GTF2F2: variants seen among roughly 807,000 people sequenced by gnomAD.
GTF2F2 encodes the protein general transcription factor IIF subunit 2, also known as ATP-dependent helicase GTF2F2.
In GTF2F2, 23 loss-of-function variants were observed where a neutral mutation model predicts 42.2. That is an observed-to-expected ratio of 0.55 (90% CI 0.39 to 0.77). The LOEUF (loss-of-function observed/expected upper bound fraction) is 0.77. GTF2F2 is among the 30% of genes least tolerant of loss of function. GTF2F2 has a pLI of 0.00. For synonymous variants in GTF2F2, 105 were observed against 100.8 expected (o/e 1.04, Z -0.25); for missense variants, 261 against 287.2 (o/e 0.91, Z 0.66).
At chr13:45,196,777 G>A (rs1005700708) in intron 4 of GTF2F2, among the ~76,000 whole-genome samples, 6 of 152,158 alleles carry the variant, frequency 3.9e-5, no homozygotes, top group African/African-American at 1.4e-4. Flanking sequence ...ATGTCTTCAT[G>A]GGAAGCCCCA....
chr13:45,284,615 C>T lies in GTF2F2; in HGVS notation c.*1054C>T, dbSNP rs1010812659. On this transcript the variant is annotated 3_prime_UTR_variant, in exon 8 of 8. Coordinates refer to ENST00000340473, the MANE Select transcript of GTF2F2 (RefSeq NM_004128.3). ...TTTTTTCACTCGTTCATTTTGTCAT[C>T]TGCTTCTAGATGCTGCAATCAAGAA... 1.2e-4 allele frequency: 18 copies of T among 152,214 alleles called. No individual in the cohort carries two copies. The highest frequency in any genetic ancestry group is 2.1e-4 in the South Asian group (1 of 4,824). 9.4% of individuals were successfully genotyped at this position (152,214 alleles called of 1,614,324 possible).
intron 4 of GTF2F2, among the ~76,000 whole-genome samples, chr13:45,154,339 T>C (rs1334389965): frequency 1.3e-5 from 2 of 152,248 alleles, no homozygotes; most frequent in Non-Finnish European, 2.9e-5. Context: ...CCATTTTACA[T>C]TTTAAAAATA....
At chr13:45,180,798 A>G (rs1013689266) in intron 4 of GTF2F2, among the ~76,000 whole-genome samples, 12 of 152,166 alleles carry the variant, frequency 7.9e-5, no homozygotes, top group African/African-American at 2.9e-4. Flanking sequence ...ATTTTTCTTT[A>G]AAAGAAGTAT....
chr13:45,246,301 G>A (rs1047378858), intron 5 of GTF2F2, among the ~76,000 whole-genome samples: 1 of 151,992 alleles, frequency 6.6e-6, no homozygotes, highest in Non-Finnish European at 1.5e-5. Flanking sequence ...GTGAGCCACC[G>A]CGCCCGGCCT....
chr13:45,218,761 G>A (rs1240415638), intron 5 of GTF2F2, among the ~76,000 whole-genome samples: 2 of 151,958 alleles, frequency 1.3e-5, no homozygotes, highest in Non-Finnish European at 2.9e-5. Context: ...GAATGGTCTG[G>A]GATTGTTAAA....
rs1407098341 is a variant in GTF2F2 at position 45,144,586 on chromosome 13, C to T, written c.141-5184C>T. On this transcript the variant is annotated intron_variant, in intron 2 of 7. Transcript: ENST00000340473. ...CCTCCCGAGTAGCTGGGACTACAGGCGCCCGCCACCACGACTGGCTAATTT... is the reference window on the plus strand; with the variant it reads ...CCTCCCGAGTAGCTGGGACTACAGGTGCCCGCCACCACGACTGGCTAATTT... 3.3e-5 allele frequency among the ~76,000 whole-genome samples: 5 copies of T among 150,948 alleles called. No homozygotes were observed. In the East Asian group the frequency reaches 5.9e-4, roughly 18 times the overall value.
intron 5 of GTF2F2, among the ~76,000 whole-genome samples, chr13:45,217,226 A>T (rs1873931263): frequency 6.9e-6 from 1 of 145,772 alleles, no homozygotes; most frequent in South Asian, 2.3e-4. Context: ...TGAACCTGGG[A>T]GGTGGAGGTT....
chr13:45,248,596 C>A (rs1334823923), intron 5 of GTF2F2, among the ~76,000 whole-genome samples: 1 of 152,126 alleles, frequency 6.6e-6, no homozygotes, highest in Non-Finnish European at 1.5e-5. Flanking sequence ...GCCTCAGCCT[C>A]CTGAGTAGCT....
At position 45,247,020 on chromosome 13, in the gene GTF2F2, C is replaced by CA. The variant is rs1875659867; in HGVS notation, c.387-5850dup. On this transcript the variant is annotated intron_variant, in intron 5 of 7. Coordinates refer to ENST00000340473, the MANE Select transcript of GTF2F2 (RefSeq NM_004128.3). ...CGCCACTGCACTCCAGCCTGGGCGA[C>CA]AGATCAAGACTCTGTCTCAAAAAAA... 2.2e-5 allele frequency among the ~76,000 whole-genome samples: 3 copies of CA among 136,748 alleles called. No homozygotes were observed. In the East Asian group the frequency reaches 6.4e-4, roughly 29 times the overall value. 89.7% of individuals were successfully genotyped at this position (136,748 alleles called of 152,430 possible). A position where few individuals can be genotyped will look rare whatever the true frequency, so the allele number is the denominator to read the frequency against.
chr13:45,194,454 GT>G, intron 4 of GTF2F2: 2 of 1,614,112 alleles, frequency 1.2e-6, no homozygotes, highest in Non-Finnish European at 1.7e-6. Flanking sequence ...ATCCACCAAC[GT>G]TGAGGGTCAT....
intron 6 of GTF2F2, among the ~76,000 whole-genome samples, chr13:45,264,270 TTATTTTTA>T (rs1876471655): frequency 1.3e-5 from 2 of 151,618 alleles, no homozygotes; most frequent in Non-Finnish European, 2.9e-5. Context: ...TTTTTATTTT[TTATTTTTA>T]TTTTTTTATT....
At chr13:45,163,429 T>G (rs1344003748) in intron 4 of GTF2F2, among the ~76,000 whole-genome samples, 3 of 151,974 alleles carry the variant, frequency 2.0e-5, no homozygotes, top group African/African-American at 7.2e-5. Context: ...CCAGCTGTTC[T>G]GGAGGCTGAG....
At chr13:45,127,970 CT>C (rs1566107690) in intron 1 of GTF2F2, among the ~76,000 whole-genome samples, 2 of 33,474 alleles carry the variant, frequency 6.0e-5, no homozygotes, top group East Asian at 9.6e-4. Flanking sequence ...TTTTTTTTTT[CT>C]TTTTTTTTGA....
intron 4 of GTF2F2, chr13:45,194,120 C>T (rs2138173073): frequency 2.5e-6 from 4 of 1,613,994 alleles, no homozygotes; most frequent in Non-Finnish European, 3.4e-6. Context: ...TGTGAACGAT[C>T]GTGGTTATCT....
intron 5 of GTF2F2, among the ~76,000 whole-genome samples, chr13:45,228,636 C>T (rs147245959): frequency 0.022 from 3,240 of 147,144 alleles, 57 homozygotes; most frequent in Non-Finnish European, 0.033. Flanking sequence ...CTGCTTATCT[C>T]GCCTCATTCT....
intron 4 of GTF2F2, among the ~76,000 whole-genome samples, chr13:45,161,199 TTTGTGG>T (rs1871018876): frequency 6.6e-6 from 1 of 152,220 alleles, no homozygotes; most frequent in African/African-American, 2.4e-5. Context: ...TTGGCCTCAA[TTTGTGG>T]TGGTACCAGT....
chr13:45,240,075 T>C (rs1468557736), intron 5 of GTF2F2, among the ~76,000 whole-genome samples: 1 of 150,746 alleles, frequency 6.6e-6, no homozygotes, highest in African/African-American at 2.5e-5. Context: ...ACCAAAAATG[T>C]TCCAATTTCT....
rs374858973 is a variant in GTF2F2, at chr13:45,173,369, C to CTGTG, written c.304+21562_304+21565dup. On this transcript the variant is annotated intron_variant, in intron 4 of 7. Transcript: ENST00000340473. ...TTTCCCTAGTTTTACTTGTACTTAACTGTGTGTGTGTGTGTGTGTGTGTGT... is the reference window on the plus strand; with the variant it reads ...TTTCCCTAGTTTTACTTGTACTTAACTGTGTGTGTGTGTGTGTGTGTGTGTGTGT... Among the ~76,000 whole-genome samples, 1,392 of 147,418 alleles carry CTGTG rather than the reference C, an allele frequency of 9.4e-3. 13 individuals are homozygous for CTGTG. The highest frequency in any genetic ancestry group is 0.024 in the African/African-American group (952 of 39,972).
intron 1 of GTF2F2, among the ~76,000 whole-genome samples, chr13:45,130,738 G>A (rs374962380): frequency 5.3e-5 from 8 of 152,136 alleles, no homozygotes; most frequent in South Asian, 2.1e-4. Context: ...ATTAAGATAC[G>A]GAAAATTGCA....
Sources: allele counts gnomAD v4.1 joint callset (sites outside exome capture counted in the v4.1 genomes callset), GRCh38; gene constraint gnomAD v4.1.1; transcripts MANE v1.5; gene names NCBI Gene and HGNC (gene_info 2026-07-23, HGNC 2026-07-21).